Variants in GPNMB observed in about 807,000 individuals in gnomAD.
GPNMB encodes the protein glycoprotein nmb.
GPNMB carries 71 observed loss-of-function variants against 57.3 expected under a neutral mutation model. The ratio of observed to expected loss-of-function variants is 1.24; its 90% confidence interval spans 1.02 to 1.51. GPNMB has a LOEUF of 1.51. Ranked by LOEUF, GPNMB falls within the 40% of genes most tolerant of loss-of-function variation. The probability of loss-of-function intolerance (pLI) is 0.00; values close to 1 mark genes in which losing one functional copy is unlikely to be tolerated. For missense variants in GPNMB, 677 were observed against 691.9 expected (o/e 0.98, Z 0.24); for synonymous variants, 253 against 263.2 (o/e 0.96, Z 0.38).
At chr7:23,255,603 T>G (rs1782758098) in intron 3 of GPNMB, among the ~76,000 whole-genome samples, 1 of 152,128 alleles carries the variant, frequency 6.6e-6, no homozygotes, top group Non-Finnish European at 1.5e-5. Flanking sequence ...GTAGCTCTAT[T>G]TTTAGTTTTT....
intron 1 of GPNMB, 116 bp downstream of exon 1, chr7:23,247,043 T>A: frequency 1.3e-6 from 1 of 778,348 alleles, no homozygotes. Context: ...AGCTTTCATC[T>A]CTGGCTCACT....
At chr7:23,260,298 A>G (rs534464934) in intron 5 of GPNMB, among the ~76,000 whole-genome samples, 158 bp from the exon 6 acceptor site, 2 of 152,338 alleles carry the variant, frequency 1.3e-5, no homozygotes, top group Admixed American at 1.3e-4. Flanking sequence ...GTTTTCCAGA[A>G]TAGCTTAGGG....
intron 4 of GPNMB, among the ~76,000 whole-genome samples, chr7:23,259,604 A>T (rs528711847): frequency 1.3e-5 from 2 of 152,144 alleles, no homozygotes; most frequent in African/African-American, 2.4e-5. Flanking sequence ...TGGATAAATA[A>T]TTTTTTTAAC....
rs1224195801 is a variant in GPNMB, at chr7:23,274,012, T to C, written c.1524-53T>C. ...GCATGAAAAAGATTGTAGAAAGTTG[T>C]ATATTTCAACTGAAGATCTTTTAAA... On this transcript the variant is annotated intron_variant, in intron 10 of 10. Coordinates refer to ENST00000258733, the MANE Select transcript of GPNMB (RefSeq NM_002510.3). 4 of 1,361,090 alleles carry C rather than the reference T, an allele frequency of 2.9e-6. No homozygotes were observed. In the African/African-American group the frequency reaches 4.4e-5, roughly 15 times the overall value. 84.3% of individuals were successfully genotyped at this position (1,361,090 alleles called of 1,614,324 possible).
intron 2 of GPNMB, 41 bp downstream of exon 2, chr7:23,253,500 C>G: frequency 6.4e-7 from 1 of 1,555,076 alleles, no homozygotes; most frequent in Non-Finnish European, 8.8e-7. Flanking sequence ...CAATTTCCTA[C>G]TTCAGTAAGT....
At chr7:23,254,402 C>A (rs1782730592) in intron 3 of GPNMB, 90 bp downstream of exon 3, 5 of 1,041,892 alleles carry the variant, frequency 4.8e-6, no homozygotes, top group Non-Finnish European at 7.2e-6. Context: ...AGATGCTGAT[C>A]TCATCCCTTG....
In GPNMB at chr7:23,257,010, T is replaced by C. The variant is rs1782797199; in HGVS notation, c.486T>C (p.Phe162=). The C allele has an allele frequency of 1.9e-6, 3 of 1,614,200 alleles. No individual in the cohort carries two copies. Among genetic ancestry groups the C allele is most frequent in the African/African-American group, 1.3e-5 (1 of 75,056 alleles). ...ACGTCTTCCCTGATGGGAAACCTTT[T>C]CCTCACCACCCCGGATGGAGAAGAT... The part of the protein sequence containing the change: ...HHNVFPDGKP[F]PHHPGWRRWN... The change falls in exon 4 of 11, where the codon TTT becomes TTC. Residue 162 remains phenylalanine, a synonymous_variant. Transcript: ENST00000258733.
Position 23,246,826 on chromosome 7 carries a change from A to G in GPNMB, c.-32A>G. Reference sequence around the variant, plus strand: ...CGGGCCCAGAGGAATTCAGAGTTAAACCTTGAGTGCCTGCGTCCGTGAGAA... The same window carrying G: ...CGGGCCCAGAGGAATTCAGAGTTAAGCCTTGAGTGCCTGCGTCCGTGAGAA... On this transcript the variant is annotated 5_prime_UTR_variant, in exon 1 of 11. Coordinates refer to ENST00000258733, the MANE Select transcript of GPNMB (RefSeq NM_002510.3). 3 of 1,557,088 alleles carry G rather than the reference A, an allele frequency of 1.9e-6. No homozygotes were observed. Among genetic ancestry groups the G allele is most frequent in the Non-Finnish European group, 2.7e-6 (3 of 1,128,104 alleles).
rs755840415 is a variant in GPNMB, at chr7:23,253,338, T to C, written c.102T>C (p.Pro34=). ...ATGATGTGCTGGGCAATGAAAGACC[T>C]TCTGCTTACATGAGGGAGCACAATC... ...RFHDVLGNER[P]SAYMREHNQL... is the part of the protein sequence containing the mutation. Residue 34 remains proline (P), a synonymous_variant, in exon 2 of 11, where the codon CCT becomes CCC. Transcript: ENST00000258733. 6 of 1,613,800 alleles carry C rather than the reference T, an allele frequency of 3.7e-6. No homozygotes were observed. The highest frequency in any genetic ancestry group is 4.2e-6 in the Non-Finnish European group (5 of 1,179,760).
At chr7:23,263,561 G>A (rs552764098) in intron 6 of GPNMB, among the ~76,000 whole-genome samples, 34 of 148,960 alleles carry the variant, frequency 2.3e-4, no homozygotes, top group East Asian at 3.9e-4. Flanking sequence ...GCAGTGAGCC[G>A]AGATCGCGCC....
chr7:23,261,545 G>T (rs1164505168), intron 6 of GPNMB, among the ~76,000 whole-genome samples: 1 of 152,016 alleles, frequency 6.6e-6, no homozygotes, highest in Non-Finnish European at 1.5e-5. Flanking sequence ...AAAACCAAAC[G>T]CCGCATGTTC....
chr7:23,270,301 C>T, intron 9 of GPNMB, 126 bp downstream of exon 9: 1 of 637,240 alleles, frequency 1.6e-6, no homozygotes, highest in Non-Finnish European at 2.7e-6. Context: ...TCATTGAACT[C>T]TTATTAATAA....
chr7:23,274,582 G>T lies in GPNMB; in HGVS notation c.*358G>T. 5.9e-6 allele frequency: 1 copy of T among 170,458 alleles called. No homozygotes were observed. The highest frequency in any genetic ancestry group is 1.3e-5 in the Non-Finnish European group (1 of 79,882). 10.6% of individuals were successfully genotyped at this position (170,458 alleles called of 1,614,324 possible). On this transcript the variant is annotated 3_prime_UTR_variant, in exon 11 of 11. Transcript: ENST00000258733. ...ACCCAGGTTAACTGCAAGAAGAGGC[G>T]GGATACTTTCAGCTTTCCATGTAAC...
intron 6 of GPNMB, among the ~76,000 whole-genome samples, chr7:23,263,033 A>G (rs1262143259): frequency 6.6e-6 from 1 of 151,308 alleles, no homozygotes; most frequent in East Asian, 1.9e-4. Flanking sequence ...TAGGAGAAGC[A>G]ATTTTTTTTA....
chr7:23,273,784 G>GT, intron 10 of GPNMB, 170 bp downstream of exon 10: 1 of 590,904 alleles, frequency 1.7e-6, no homozygotes, highest in Non-Finnish European at 3.0e-6. Context: ...TCTTGTTGTG[G>GT]TTTGTTTTTA....
chr7:23,248,930 C>T (rs892579884), intron 1 of GPNMB, among the ~76,000 whole-genome samples: 12 of 152,060 alleles, frequency 7.9e-5, no homozygotes, highest in African/African-American at 2.7e-4. Flanking sequence ...ACCACAGGCA[C>T]GTGCCACCAC....
intron 1 of GPNMB, among the ~76,000 whole-genome samples, chr7:23,249,048 A>C (rs749652924): frequency 1.3e-5 from 2 of 152,176 alleles, no homozygotes; most frequent in Non-Finnish European, 2.9e-5. Flanking sequence ...GAATGCTAGG[A>C]CTACAGGCAT....
chr7:23,251,604 C>G (rs1463821351), intron 1 of GPNMB, among the ~76,000 whole-genome samples: 1 of 152,170 alleles, frequency 6.6e-6, no homozygotes, highest in African/African-American at 2.4e-5. Context: ...TTAGCTGTTT[C>G]CTCAGATTTG....
At chr7:23,258,781 AC>A (rs1429732172) in intron 4 of GPNMB, among the ~76,000 whole-genome samples, 5 of 152,194 alleles carry the variant, frequency 3.3e-5, no homozygotes, top group African/African-American at 1.2e-4. Flanking sequence ...TGATGGAACT[AC>A]CCCTGCATCT....
Sources: gnomAD v4.1 joint callset for allele counts (sites outside exome capture counted in the v4.1 genomes callset) on GRCh38, gnomAD v4.1.1 for gene constraint, MANE v1.5 for transcripts, NCBI Gene and HGNC (gene_info 2026-07-23, HGNC 2026-07-21) for gene names.